PDCL: variants seen among roughly 807,000 people sequenced by gnomAD.
PDCL encodes phosducin like.
PDCL carries 11 observed loss-of-function variants against 26.7 expected under a neutral mutation model. The ratio of observed to expected loss-of-function variants is 0.41; its 90% CI spans 0.26 to 0.68. The LOEUF (loss-of-function observed/expected upper bound fraction) is 0.68. Ranked by LOEUF, PDCL falls within the 30% of genes least tolerant of loss-of-function variation. The probability of loss-of-function intolerance (pLI) is 0.30; values close to 1 mark genes in which losing one functional copy is unlikely to be tolerated. For synonymous variants in PDCL, 118 were observed against 134.9 expected (o/e 0.87, Z 0.87); for missense variants, 330 against 371.6 (o/e 0.89, Z 0.92).
chr9:122,825,442 G>A (rs1007005364), intron 2 of PDCL, among the ~76,000 whole-genome samples: 8 of 152,178 alleles, frequency 5.3e-5, no homozygotes, highest in Non-Finnish European at 1.0e-4. Flanking sequence ...GATTACAGGC[G>A]TGAGCCACTG....
chr9:122,822,373 T>C (rs7870308), intron 3 of PDCL, among the ~76,000 whole-genome samples: 39,481 of 146,788 alleles, frequency 0.27, 5,518 homozygotes, highest in East Asian at 0.44. Context: ...CTGGGCAACA[T>C]AGACCCTGTC....
At chr9:122,822,476 TAA>T (rs1377475549) in intron 3 of PDCL, among the ~76,000 whole-genome samples, 8 of 151,672 alleles carry the variant, frequency 5.3e-5, no homozygotes, top group Non-Finnish European at 7.4e-5. Flanking sequence ...CTCCTTAGAA[TAA>T]ATTCTCATGA....
At chr9:122,828,317 T>C (rs1383524766) in intron 1 of PDCL, among the ~76,000 whole-genome samples, 154 bp downstream of exon 1, 1 of 143,352 alleles carries the variant, frequency 7.0e-6, no homozygotes, top group East Asian at 2.0e-4. Context: ...CCGGGGGAGG[T>C]GGGGCCAGAG....
In PDCL at chr9:122,820,444, T is replaced by C. The variant is rs774062250; in HGVS notation, c.547A>G (p.Ile183Val). ...CCATCCTCATAAATATGAACCATGA[T>C]GACAATGCTTTTCTGTTCTTTATCA... is the stretch of plus-strand genomic sequence containing the variant. Reference protein sequence around the residue: ...MIDKEQKSIVIMVHIYEDGIP... With the variant: ...MIDKEQKSIVVMVHIYEDGIP... Residue 183 changes from isoleucine (I) to valine (V), a missense_variant, in exon 4 of 4, where the codon ATC (isoleucine) becomes GTC (valine). Transcript: ENST00000259467. 6.8e-6 allele frequency: 11 copies of C among 1,614,172 alleles called. No homozygotes were observed. In the South Asian group the frequency reaches 1.2e-4, roughly 18 times the overall value.
intron 3 of PDCL, 137 bp from the exon 4 acceptor site, chr9:122,820,773 C>G (rs1714122083): frequency 1.6e-6 from 1 of 615,016 alleles, no homozygotes; most frequent in African/African-American, 1.9e-5. Context: ...CACTTGAGGT[C>G]AGGAGTTCAA....
In PDCL at chr9:122,826,524, CAGG is replaced by C. The variant is rs781342392; in HGVS notation, c.172+89_172+91del. 6.3e-6 allele frequency: 7 copies of C among 1,118,866 alleles called. No homozygotes were observed. The East Asian group carries it at 8.0e-5, about 13-fold the overall frequency. 69.3% of individuals were successfully genotyped at this position (1,118,866 alleles called of 1,614,324 possible). Reference sequence around the variant, plus strand: ...AAGTGGGACCAGAGTTAAAAGTGATCAGGAGAATTAATTTATTAATATGTATTT... The same window carrying C: ...AAGTGGGACCAGAGTTAAAAGTGATCAGAATTAATTTATTAATATGTATTT... On this transcript the variant is annotated intron_variant, in intron 2 of 3. Transcript: ENST00000259467.
intron 3 of PDCL, among the ~76,000 whole-genome samples, chr9:122,821,381 ACT>A (rs930783953): frequency 5.3e-5 from 8 of 151,558 alleles, no homozygotes; most frequent in African/African-American, 1.9e-4. Context: ...TTTAGAAAAA[ACT>A]CTCATAACCC....
Position 122,820,575 on chromosome 9 carries a change from T to C in PDCL, c.416A>G (p.Gln139Arg). 1.2e-6 allele frequency: 2 copies of C among 1,614,008 alleles called. No homozygotes were observed. Among genetic ancestry groups the C allele is most frequent in the Non-Finnish European group, 1.7e-6 (2 of 1,179,980 alleles). ...EDQDDEEFLQ[Q>R]YRKQRMEEMR... ...CTCTTCCATTCGCTGCTTCCGGTACTGCTGCAGAAACTCTTCATCATCTTG... is the reference window on the plus strand; with the variant it reads ...CTCTTCCATTCGCTGCTTCCGGTACCGCTGCAGAAACTCTTCATCATCTTG... The change falls in exon 4 of 4, where the codon CAG becomes CGG. Residue 139 changes from glutamine (Q) to arginine (R), a missense_variant. Coordinates refer to ENST00000259467, the MANE Select transcript of PDCL (RefSeq NM_005388.5).
At chr9:122,825,882 C>A (rs1829618263) in intron 2 of PDCL, among the ~76,000 whole-genome samples, 1 of 152,082 alleles carries the variant, frequency 6.6e-6, no homozygotes, top group South Asian at 2.1e-4. Context: ...CAAAGTGAGA[C>A]CCCATCTCTA....
Position 122,818,530 on chromosome 9 carries a change from C to A in PDCL, c.*1555G>T, listed in dbSNP as rs1467890052. 2.7e-5 allele frequency: 4 copies of A among 150,936 alleles called. No individual in the cohort carries two copies. The highest frequency in any genetic ancestry group is 5.9e-5 in the Non-Finnish European group (4 of 67,812). The allele number at this position is 150,936 out of a possible 1,614,324, so 9.3% of individuals were successfully genotyped here. On this transcript the variant is annotated 3_prime_UTR_variant, in exon 4 of 4. Transcript: ENST00000259467. Reference sequence around the variant, plus strand: ...ATACTTCCCTGCTTCTAATAATTTTCAATACATTCCACCCTTTCTACTACA... The same window carrying A: ...ATACTTCCCTGCTTCTAATAATTTTAAATACATTCCACCCTTTCTACTACA...
chr9:122,823,306 T>C (rs1186172325), intron 2 of PDCL, 109 bp from the exon 3 acceptor site: 16 of 1,022,608 alleles, frequency 1.6e-5, no homozygotes, highest in Middle Eastern at 3.0e-4. Context: ...CTCCATCTAC[T>C]GCACAATTAT....
rs1829535529 is a variant in PDCL at position 122,820,250 on chromosome 9, A to C, written c.741T>G (p.Asn247Lys). ...CCAGCTGGTCAGTAACACGAACAAA[A>C]TTGCCGATCAATTCACCCCCCTTAT... ...LIYKGGELIG[N>K]FVRVTDQLGD... Residue 247 changes from asparagine (N) to lysine (K), a missense_variant, in exon 4 of 4, where the codon AAT becomes AAG. Coordinates refer to ENST00000259467, the MANE Select transcript of PDCL (RefSeq NM_005388.5). The C allele has an allele frequency of 6.2e-7, 1 of 1,614,180 alleles. No homozygotes were observed. The highest frequency in any genetic ancestry group is 8.5e-7 in the Non-Finnish European group (1 of 1,180,026).
At chr9:122,825,279 A>G (rs1337492978) in intron 2 of PDCL, among the ~76,000 whole-genome samples, 1 of 151,704 alleles carries the variant, frequency 6.6e-6, no homozygotes, top group African/African-American at 2.4e-5. Flanking sequence ...CTCCTTCCTC[A>G]GCCTCCCGAG....
In PDCL at chr9:122,820,515, T is replaced by C. The variant is rs763406601; in HGVS notation, c.476A>G (p.Lys159Arg). 1 of 1,614,094 alleles carries C rather than the reference T, an allele frequency of 6.2e-7. No homozygotes were observed. The highest frequency in any genetic ancestry group is 1.7e-5 in the Admixed American group (1 of 60,010). ...TCCACTGGAGATCTCAAAAACCTGC[T>C]TGAATTGGGGCCCCTTGTGAAGCTG... Reference protein sequence around the residue: ...RQQLHKGPQFKQVFEISSGEG... With the variant: ...RQQLHKGPQFRQVFEISSGEG... Residue 159 changes from lysine (K) to arginine (R), a missense_variant, in exon 4 of 4, where the codon AAG (lysine) becomes AGG (arginine). By Grantham distance (26) the Lys-to-Arg change is conservative (BLOSUM62 2). Transcript: ENST00000259467.
At chr9:122,826,871 G>T in intron 1 of PDCL, 79 bp from the exon 2 acceptor site, 1 of 1,299,804 alleles carries the variant, frequency 7.7e-7, no homozygotes, top group Non-Finnish European at 1.1e-6. Context: ...GGGCTCGCCT[G>T]TGCTGAGATC....
At chr9:122,825,214 TAC>T (rs1829607942) in intron 2 of PDCL, among the ~76,000 whole-genome samples, 2 of 151,396 alleles carry the variant, frequency 1.3e-5, no homozygotes, top group Non-Finnish European at 2.9e-5. Context: ...CAGGCTGGAG[TAC>T]AGTGGCATGA....
rs575500185 is a variant in PDCL at position 122,827,731 on chromosome 9, C to CA, written c.-6+739dup. 5.8e-3 allele frequency among the ~76,000 whole-genome samples: 867 copies of CA among 150,458 alleles called. 9 individuals carry two copies. Among genetic ancestry groups the CA allele is most frequent in the African/African-American group, 0.02 (832 of 40,846 alleles). On this transcript the variant is annotated intron_variant, in intron 1 of 3. Transcript: ENST00000259467. ...TGGGAGACAGAGCGAGACTCTGTTT[C>CA]AAAAAAAAATAAAAACTAAAAATAT...
rs1403036294 is a variant in PDCL at position 122,818,802 on chromosome 9, A to G, written c.*1283T>C. The G allele has an allele frequency of 6.6e-6, 1 of 152,104 alleles. No individual in the cohort carries two copies. Among genetic ancestry groups the G allele is most frequent in the Non-Finnish European group, 1.5e-5 (1 of 68,006 alleles). 9.4% of individuals were successfully genotyped at this position (152,104 alleles called of 1,614,324 possible). On this transcript the variant is annotated 3_prime_UTR_variant, in exon 4 of 4. Coordinates refer to ENST00000259467, the MANE Select transcript of PDCL (RefSeq NM_005388.5). ...CATAGAAAAAAAGGCTATAAAAATG[A>G]CTAGAAATATGACAAAAGGGATTAA...
Position 122,826,765 on chromosome 9 carries a change from A to G in PDCL, c.23T>C (p.Leu8Ser). 6.2e-7 allele frequency: 1 copy of G among 1,614,062 alleles called. No individual in the cohort carries two copies. The highest frequency in any genetic ancestry group is 8.5e-7 in the Non-Finnish European group (1 of 1,180,008). The stretch of plus-strand genomic sequence containing the variant: ...GTAGTACTGCAGTTTCTCCCCCAGC[A>G]ACTTATCATCAAGGGTGGTCATGGT... MTTLDDK[L>S]LGEKLQYYYS... The change falls in exon 2 of 4, where the codon TTG becomes TCG. Residue 8 changes from leucine to serine, a missense_variant. Coordinates refer to ENST00000259467, the MANE Select transcript of PDCL (RefSeq NM_005388.5).
Sources: gnomAD v4.1 joint callset for allele counts (sites outside exome capture counted in the v4.1 genomes callset) on GRCh38, gnomAD v4.1.1 for gene constraint, MANE v1.5 for transcripts, NCBI Gene and HGNC (gene_info 2026-07-23, HGNC 2026-07-21) for gene names.